Variants in SLC30A6 observed in about 807,000 individuals in gnomAD.
The protein encoded by SLC30A6 is zinc transporter 6.
SLC30A6 carries 55 observed loss-of-function variants against 63.0 expected under a neutral mutation model. That is an observed-to-expected ratio of 0.87 (90% CI 0.70 to 1.09). The LOEUF (loss-of-function observed/expected upper bound fraction) is 1.09. SLC30A6 is among the 50% of genes least tolerant of loss of function. SLC30A6 has a pLI of 0.00. For synonymous variants in SLC30A6, 224 were observed against 186.1 expected (o/e 1.20, Z -1.66); for missense variants, 587 against 549.2 (o/e 1.07, Z -0.69).
intron 13 of SLC30A6, among the ~76,000 whole-genome samples, chr2:32,219,929 T>C (rs1686026603): frequency 6.6e-6 from 1 of 152,230 alleles, no homozygotes; most frequent in Non-Finnish European, 1.5e-5. Context: ...GCTCTTACAT[T>C]GTATTTTTTG....
At chr2:32,177,255 C>G (rs1360353401) in intron 4 of SLC30A6, among the ~76,000 whole-genome samples, 1 of 152,070 alleles carries the variant, frequency 6.6e-6, no homozygotes, top group Non-Finnish European at 1.5e-5. Context: ...ATATACAGTC[C>G]TTTATGACTG....
intron 13 of SLC30A6, among the ~76,000 whole-genome samples, chr2:32,210,135 G>A (rs1304165640): frequency 6.6e-6 from 1 of 152,154 alleles, no homozygotes; most frequent in Non-Finnish European, 1.5e-5. Context: ...GGAAAATACA[G>A]AAAATGTAAA....
At chr2:32,169,646 G>C (rs1431762869) in intron 1 of SLC30A6, among the ~76,000 whole-genome samples, 1 of 152,174 alleles carries the variant, frequency 6.6e-6, no homozygotes, top group Non-Finnish European at 1.5e-5. Context: ...GGGCGTGGTG[G>C]TGGGTACCTG....
intron 13 of SLC30A6, among the ~76,000 whole-genome samples, chr2:32,215,832 G>A (rs186161771): frequency 1.3e-5 from 2 of 151,574 alleles, no homozygotes; most frequent in South Asian, 2.1e-4. Flanking sequence ...AGCCTTCCTC[G>A]TAGCTGGGAC....
At chr2:32,175,773 TA>T (rs1573250187) in intron 4 of SLC30A6, among the ~76,000 whole-genome samples, 2 of 152,158 alleles carry the variant, frequency 1.3e-5, no homozygotes, top group East Asian at 3.9e-4. Flanking sequence ...GTCAGGAGTT[TA>T]CGACCAGCCT....
chr2:32,183,095 G>T (rs2148826950), intron 4 of SLC30A6, among the ~76,000 whole-genome samples: 1 of 152,168 alleles, frequency 6.6e-6, no homozygotes, highest in East Asian at 1.9e-4. Context: ...GCTGAGGCAG[G>T]AGAATCACTT....
At chr2:32,208,374 G>T (rs185167458) in intron 12 of SLC30A6, among the ~76,000 whole-genome samples, 1 of 150,620 alleles carries the variant, frequency 6.6e-6, no homozygotes, top group Non-Finnish European at 1.5e-5. Flanking sequence ...CAAATGATCC[G>T]CCCCTTGTGA....
chr2:32,165,905 T>G lies in SLC30A6; in HGVS notation c.3+2T>G, dbSNP rs1680594246. 22 of 1,614,110 alleles carry G rather than the reference T, an allele frequency of 1.4e-5. No individual in the cohort carries two copies. Among genetic ancestry groups the G allele is most frequent in the Non-Finnish European group, 1.6e-5 (19 of 1,179,996 alleles). On this transcript the variant is annotated splice_donor_variant, in intron 1 of 13. Coordinates refer to ENST00000282587, the MANE Select transcript of SLC30A6 (RefSeq NM_017964.5). LOFTEE classifies it high-confidence loss of function. Reference sequence around the variant, plus strand: ...GGAGCTGTGCAGCTCCTTATCATGGTGAGTTGGCTGTTGGGGTGAGGGTTT... The same window carrying G: ...GGAGCTGTGCAGCTCCTTATCATGGGGAGTTGGCTGTTGGGGTGAGGGTTT...
chr2:32,191,493 A>G (rs544061294), intron 5 of SLC30A6, among the ~76,000 whole-genome samples: 3 of 152,162 alleles, frequency 2.0e-5, no homozygotes, highest in Non-Finnish European at 4.4e-5. Flanking sequence ...CCATTAGACC[A>G]TGTGTTGCAG....
intron 5 of SLC30A6, among the ~76,000 whole-genome samples, chr2:32,190,456 C>G (rs1558394764): frequency 9.7e-6 from 1 of 103,364 alleles, no homozygotes; most frequent in Non-Finnish European, 2.0e-5. Context: ...GAGACTCCGT[C>G]TCAAAAAAAA....
intron 1 of SLC30A6, among the ~76,000 whole-genome samples, chr2:32,167,099 G>C (rs1220189992): frequency 6.6e-6 from 1 of 152,028 alleles, no homozygotes; most frequent in Non-Finnish European, 1.5e-5. Context: ...TTTCGAGACG[G>C]AGTTCCACTC....
chr2:32,185,517 G>A (rs904444677), intron 5 of SLC30A6, among the ~76,000 whole-genome samples: 3 of 151,936 alleles, frequency 2.0e-5, no homozygotes, highest in Non-Finnish European at 4.4e-5. Context: ...ATCGACCAAG[G>A]AATTTCACTT....
intron 13 of SLC30A6, among the ~76,000 whole-genome samples, chr2:32,212,587 T>A (rs1356076739): frequency 7.7e-6 from 1 of 129,038 alleles, no homozygotes; most frequent in African/African-American, 2.9e-5. Context: ...TTTTACCTTT[T>A]TTTTTTTTTT....
chr2:32,177,135 C>T (rs994319701), intron 4 of SLC30A6, among the ~76,000 whole-genome samples: 6 of 152,140 alleles, frequency 3.9e-5, no homozygotes, highest in Non-Finnish European at 5.9e-5. Flanking sequence ...CCAGTCATTC[C>T]GTTCTCCCAC....
At chr2:32,182,876 G>GT (rs1409188739) in intron 4 of SLC30A6, among the ~76,000 whole-genome samples, 1 of 152,064 alleles carries the variant, frequency 6.6e-6, no homozygotes, top group Non-Finnish European at 1.5e-5. Flanking sequence ...TGGCCAGGGA[G>GT]TAGGGTCATG....
chr2:32,191,359 C>A (rs1165713920), intron 5 of SLC30A6, among the ~76,000 whole-genome samples: 1 of 151,920 alleles, frequency 6.6e-6, no homozygotes, highest in Non-Finnish European at 1.5e-5. Flanking sequence ...ATTGTTGATT[C>A]CAGCATTTTT....
chr2:32,216,504 C>T (rs1249869882), intron 13 of SLC30A6, among the ~76,000 whole-genome samples: 1 of 151,348 alleles, frequency 6.6e-6, no homozygotes, highest in East Asian at 1.9e-4. Context: ...CCACTGCACT[C>T]CAGCCTGGGC....
chr2:32,202,011 A>T, intron 10 of SLC30A6: 1 of 1,158,582 alleles, frequency 8.6e-7, no homozygotes, highest in African/African-American at 1.6e-5. Context: ...TGAATGAGAT[A>T]TTGATGAATA....
Position 32,220,852 on chromosome 2 carries a change from A to T in SLC30A6, c.*139A>T, listed in dbSNP as rs965992039. 5 of 790,042 alleles carry T rather than the reference A, an allele frequency of 6.3e-6. No individual in the cohort carries two copies. The highest frequency in any genetic ancestry group is 9.7e-6 in the Non-Finnish European group (5 of 517,964). The allele number at this position is 790,042 out of a possible 1,614,324, so 48.9% of individuals were successfully genotyped here. On this transcript the variant is annotated 3_prime_UTR_variant, in exon 14 of 14. Coordinates refer to ENST00000282587, the MANE Select transcript of SLC30A6 (RefSeq NM_017964.5). ...GTCTTGTTCACATTTCATGAAACCT[A>T]TGAAACTATATTTTTGTAAAATGTA...
Sources: gnomAD v4.1 joint callset for allele counts (sites outside exome capture counted in the v4.1 genomes callset) on GRCh38, gnomAD v4.1.1 for gene constraint, MANE v1.5 for transcripts, NCBI Gene and HGNC (gene_info 2026-07-23, HGNC 2026-07-21) for gene names.